ZNF831: variants seen among roughly 807,000 people sequenced by gnomAD.
ZNF831 encodes the protein zinc finger protein 831.
A neutral mutation model predicts 95.8 loss-of-function variants in ZNF831; 59 were observed. The ratio of observed to expected loss-of-function variants is 0.62; its 90% CI spans 0.50 to 0.77. The LOEUF is 0.77. Ranked by LOEUF, ZNF831 falls within the 30% of genes least tolerant of loss-of-function variation. ZNF831 has a pLI of 0.00. For synonymous variants in ZNF831, 961 were observed against 925.5 expected (o/e 1.04, Z -0.70); for missense variants, 2,205 against 2,164.0 (o/e 1.02, Z -0.38).
intron 4 of ZNF831, among the ~76,000 whole-genome samples, chr20:59,223,976 C>A (rs969011207): frequency 6.6e-6 from 1 of 152,198 alleles, no homozygotes; most frequent in Non-Finnish European, 1.5e-5. Context: ...ATCCACCACC[C>A]CCACATCCAG....
At chr20:59,195,473 T>C (rs1984020819) in intron 2 of ZNF831, among the ~76,000 whole-genome samples, 1 of 152,182 alleles carries the variant, frequency 6.6e-6, no homozygotes, top group Non-Finnish European at 1.5e-5. Flanking sequence ...TGTTCGGCTT[T>C]CCCTAGGTGG....
intron 4 of ZNF831, among the ~76,000 whole-genome samples, chr20:59,220,119 G>A (rs73618656): frequency 0.072 from 11,007 of 152,240 alleles, 648 homozygotes; most frequent in East Asian, 0.28. Context: ...TCATATTTGA[G>A]TTGGAAGACC....
At chr20:59,165,898 C>G (rs1483747430) in intron 1 of ZNF831, among the ~76,000 whole-genome samples, 1 of 152,014 alleles carries the variant, frequency 6.6e-6, no homozygotes, top group Non-Finnish European at 1.5e-5. Flanking sequence ...TATAGGTGCT[C>G]ACCACCACAA....
chr20:59,132,425 C>G (rs1979377105), intron 1 of ZNF831, among the ~76,000 whole-genome samples: 1 of 151,772 alleles, frequency 6.6e-6, no homozygotes, highest in East Asian at 1.9e-4. Flanking sequence ...CCAAGCTGGT[C>G]TCCAGAAAGT....
chr20:59,129,674 T>G (rs1430689841), intron 1 of ZNF831, among the ~76,000 whole-genome samples: 1 of 152,180 alleles, frequency 6.6e-6, no homozygotes, highest in African/African-American at 2.4e-5. Context: ...GTGAAGTTGC[T>G]GCCTGTGTGG....
At chr20:59,201,491 A>T (rs957795075) in intron 3 of ZNF831, among the ~76,000 whole-genome samples, 1 of 152,278 alleles carries the variant, frequency 6.6e-6, no homozygotes, top group East Asian at 1.9e-4. Flanking sequence ...GATGATATTT[A>T]ATTTACCTTT....
chr20:59,169,703 C>A lies in ZNF831; in HGVS notation c.-37+5496C>A, dbSNP rs1426348756. Among the ~76,000 whole-genome samples the A allele has an allele frequency of 1.3e-5, 2 of 152,044 alleles. No individual in the cohort carries two copies. The highest frequency in any genetic ancestry group is 4.8e-5 in the African/African-American group (2 of 41,374). Reference sequence around the variant, plus strand: ...TCAGTTGAGGTCAGGAGTTTGAGACCAGCCTGGCCAACATGATGAAACCCT... The same window carrying A: ...TCAGTTGAGGTCAGGAGTTTGAGACAAGCCTGGCCAACATGATGAAACCCT... On this transcript the variant is annotated intron_variant, in intron 1 of 5. Transcript: ENST00000371030. This position sits in a 1 kb window ranked among gnomAD's most constrained non-coding sequence, Gnocchi z 4.1.
intron 1 of ZNF831, among the ~76,000 whole-genome samples, chr20:59,185,255 A>C (rs1239663352): frequency 6.6e-6 from 1 of 152,170 alleles, no homozygotes; most frequent in Non-Finnish European, 1.5e-5. Flanking sequence ...GGAAGGTGTT[A>C]GTCAGCTGTC....
rs76193369 is a variant in ZNF831 at position 59,204,627 on chromosome 20, T to C, written c.3876-2278T>C. On this transcript the variant is annotated intron_variant, in intron 3 of 5. Coordinates refer to ENST00000371030, the MANE Select transcript of ZNF831 (RefSeq NM_178457.3). ...AGAAAGGAATGTGTGTGGAGTGGGC[T>C]GTGTACACCTGCAAGAGCCACTCCT... Among the ~76,000 whole-genome samples, 585 of 152,328 alleles carry C rather than the reference T, an allele frequency of 3.8e-3. 6 individuals are homozygous for C. The highest frequency in any genetic ancestry group is 0.014 in the African/African-American group (566 of 41,580).
At chr20:59,221,375 C>T (rs1449692651) in intron 4 of ZNF831, among the ~76,000 whole-genome samples, 1 of 152,144 alleles carries the variant, frequency 6.6e-6, no homozygotes, top group Non-Finnish European at 1.5e-5. Context: ...GAATAATCCT[C>T]CAAGCTCCAA....
intron 2 of ZNF831, among the ~76,000 whole-genome samples, chr20:59,155,252 T>A (rs1980473633): frequency 6.6e-6 from 1 of 152,194 alleles, no homozygotes; most frequent in Admixed American, 6.6e-5. Context: ...AGGCAAAACC[T>A]CTCAGAAGTA....
intron 4 of ZNF831, among the ~76,000 whole-genome samples, chr20:59,214,077 C>T (rs987006405): frequency 3.3e-5 from 5 of 152,108 alleles, no homozygotes; most frequent in African/African-American, 4.8e-5. Context: ...CAGAAATTCT[C>T]GTGCACAATA....
rs768793455 is a variant in ZNF831 at position 59,194,624 on chromosome 20, C to T, written c.3605C>T (p.Ala1202Val). The T allele has an allele frequency of 3.8e-5, 61 of 1,613,386 alleles. No homozygotes were observed. The South Asian group carries it at 5.6e-4, about 15-fold the overall frequency. Residue 1202 changes from alanine to valine, a missense_variant, in exon 2 of 6, where the codon GCG (alanine) becomes GTG (valine). Physicochemically the swap from Ala to Val is moderately conservative, Grantham distance 64 (BLOSUM62 0). Coordinates refer to ENST00000371030, the MANE Select transcript of ZNF831 (RefSeq NM_178457.3). ...VPLPAEQKAKAASVYLAVHFP... is the reference protein window; with the variant it reads ...VPLPAEQKAKVASVYLAVHFP... ...CTGCCCGCGGAGCAGAAGGCAAAGGCGGCATCTGTGTACTTGGCGGTGCAC... is the reference window on the plus strand; with the variant it reads ...CTGCCCGCGGAGCAGAAGGCAAAGGTGGCATCTGTGTACTTGGCGGTGCAC...
chr20:59,230,541 T>C (rs1986667729), intron 4 of ZNF831, among the ~76,000 whole-genome samples: 1 of 152,196 alleles, frequency 6.6e-6, no homozygotes, highest in Non-Finnish European at 1.5e-5. Context: ...TGTGTTTCAA[T>C]AAAACTTTAT....
At chr20:59,219,129 A>G (rs1985907385) in intron 4 of ZNF831, among the ~76,000 whole-genome samples, 1 of 152,204 alleles carries the variant, frequency 6.6e-6, no homozygotes, top group Non-Finnish European at 1.5e-5. Context: ...ACATGGGGAA[A>G]CCATCTTACT....
intron 1 of ZNF831, among the ~76,000 whole-genome samples, chr20:59,145,771 T>G (rs1979826342): frequency 6.6e-6 from 1 of 151,696 alleles, no homozygotes; most frequent in Non-Finnish European, 1.5e-5. Flanking sequence ...GCTGGGGGAG[T>G]TGGTCTGGAA....
intron 1 of ZNF831, among the ~76,000 whole-genome samples, chr20:59,173,746 C>T (rs1358572366): frequency 6.6e-6 from 1 of 152,184 alleles, no homozygotes; most frequent in African/African-American, 2.4e-5. Context: ...CTCTTGGGAC[C>T]ATTCCCAGAG....
chr20:59,162,773 C>T (rs969948917), upstream of ZNF831, among the ~76,000 whole-genome samples: 7 of 152,026 alleles, frequency 4.6e-5, no homozygotes, highest in African/African-American at 1.7e-4. Flanking sequence ...TTTGGCTATT[C>T]GGGCTCCTTT....
intron 4 of ZNF831, among the ~76,000 whole-genome samples, chr20:59,210,339 T>C (rs1338926173): frequency 6.6e-6 from 1 of 152,212 alleles, no homozygotes; most frequent in Admixed American, 6.5e-5. Flanking sequence ...CTGGCTTCCC[T>C]TCAGGAAGAA....
Sources: allele counts gnomAD v4.1 joint callset (sites outside exome capture counted in the v4.1 genomes callset), GRCh38; gene constraint gnomAD v4.1.1; non-coding constraint Gnocchi (gnomAD v3.1); transcripts MANE v1.5; gene names NCBI Gene and HGNC (gene_info 2026-07-23, HGNC 2026-07-21).